GADL1: variants seen among roughly 807,000 people sequenced by gnomAD.
The protein encoded by GADL1 is acidic amino acid decarboxylase GADL1.
Under a neutral mutation model 69.5 loss-of-function variants are expected in GADL1, and 71 were observed. The ratio of observed to expected loss-of-function variants is 1.02; its 90% CI spans 0.84 to 1.25. GADL1 has a LOEUF of 1.25. Ranked by LOEUF, GADL1 falls within the 50% of genes most tolerant of loss-of-function variation. The probability of loss-of-function intolerance (pLI) is 0.00; values close to 1 mark genes in which losing one functional copy is unlikely to be tolerated. For synonymous variants in GADL1, 254 were observed against 214.4 expected, an observed-to-expected ratio of 1.18 and a Z score of -1.62; for missense variants, 737 against 631.8, an observed-to-expected ratio of 1.17 and a Z score of -1.79.
intron 14 of GADL1, among the ~76,000 whole-genome samples, chr3:30,753,499 A>G (rs879429631): frequency 2.2e-4 from 27 of 124,088 alleles, no homozygotes; most frequent in Non-Finnish European, 3.9e-4. Flanking sequence ...AATTTAAGGA[A>G]GGATAGTTTC....
At chr3:30,760,832 T>C (rs1005090680) in intron 14 of GADL1, among the ~76,000 whole-genome samples, 27 of 152,170 alleles carry the variant, frequency 1.8e-4, no homozygotes, top group African/African-American at 6.0e-4. Context: ...ATGGGCAGCC[T>C]GTGGAGCCTC....
intron 14 of GADL1, among the ~76,000 whole-genome samples, chr3:30,765,590 C>T (rs150765734): frequency 7.0e-4 from 106 of 152,278 alleles, no homozygotes; most frequent in African/African-American, 2.3e-3. Context: ...CTGAACAAGG[C>T]CCTGCCCTCA....
intron 14 of GADL1, among the ~76,000 whole-genome samples, chr3:30,767,531 T>C (rs1292280910): frequency 1.3e-5 from 2 of 152,170 alleles, no homozygotes; most frequent in Admixed American, 6.5e-5. Flanking sequence ...GATAATACTT[T>C]GAGGAAATGA....
rs577785725 is a variant in GADL1 at position 30,769,967 on chromosome 3, C to A, written c.1392+8212G>T. ...ATATTACACATTTCTAAATCACTTA[C>A]CAATATTGAAAACATTAAAAACAAA... On this transcript the variant is annotated intron_variant, in intron 14 of 14. Transcript: ENST00000282538. Among the ~76,000 whole-genome samples, 206 of 152,324 alleles carry A rather than the reference C, an allele frequency of 1.4e-3. 1 individual carries two copies. The highest frequency in any genetic ancestry group is 4.8e-3 in the African/African-American group (199 of 41,584).
At chr3:30,790,138 C>T (rs569666455) in intron 12 of GADL1, among the ~76,000 whole-genome samples, 3 of 152,130 alleles carry the variant, frequency 2.0e-5, no homozygotes, top group Non-Finnish European at 1.5e-5. Context: ...CTCTTCCTTT[C>T]ATTTGAACAC....
intron 11 of GADL1, among the ~76,000 whole-genome samples, chr3:30,819,176 G>T (rs1393358522): frequency 4.1e-5 from 6 of 148,120 alleles, no homozygotes; most frequent in Non-Finnish European, 8.8e-5. Context: ...TTACAGGGAG[G>T]TTCTATTCTT....
At chr3:30,775,918 C>T (rs1373972142) in intron 14 of GADL1, among the ~76,000 whole-genome samples, 2 of 151,992 alleles carry the variant, frequency 1.3e-5, no homozygotes, top group African/African-American at 2.4e-5. Context: ...AACCCCATCT[C>T]GACAAAAATA....
intron 4 of GADL1, 94 bp downstream of exon 4, chr3:30,854,605 G>T (rs747595211): frequency 2.4e-5 from 18 of 739,744 alleles, no homozygotes; most frequent in Non-Finnish European, 4.1e-5. Flanking sequence ...CTATGCAAAA[G>T]AAACCATTAA....
At chr3:30,834,305 GA>G in intron 9 of GADL1, 24 bp from the exon 10 acceptor site, 3 of 1,595,892 alleles carry the variant, frequency 1.9e-6, no homozygotes, top group Non-Finnish European at 2.6e-6. Context: ...TACAGTACCA[GA>G]ACAATGTTAT....
chr3:30,785,382 CTT>C (rs71093938), intron 13 of GADL1, among the ~76,000 whole-genome samples: 4 of 124,456 alleles, frequency 3.2e-5, no homozygotes, highest in Non-Finnish European at 4.6e-5. Flanking sequence ...ATTTCTTTTT[CTT>C]TTTTTTTTTT....
chr3:30,878,805 C>T (rs531648971), intron 1 of GADL1, among the ~76,000 whole-genome samples: 2 of 151,762 alleles, frequency 1.3e-5, no homozygotes, highest in Admixed American at 1.3e-4. Context: ...TTATTATGTT[C>T]TTTAATTAAT....
chr3:30,786,521 A>T (rs1180275709), intron 12 of GADL1, 115 bp from the exon 13 acceptor site: 8 of 665,382 alleles, frequency 1.2e-5, no homozygotes, highest in Non-Finnish European at 2.2e-5. Flanking sequence ...GATACAGATA[A>T]AGGTCAAGGA....
At chr3:30,745,741 T>A (rs1219451278) in intron 14 of GADL1, among the ~76,000 whole-genome samples, 1 of 118,880 alleles carries the variant, frequency 8.4e-6, no homozygotes, top group Non-Finnish European at 1.7e-5. Flanking sequence ...TGACAATTGT[T>A]GAGATACCTG....
intron 14 of GADL1, among the ~76,000 whole-genome samples, chr3:30,765,112 T>TA (rs973915475): frequency 4.8e-5 from 6 of 124,974 alleles, no homozygotes; most frequent in African/African-American, 1.2e-4. Flanking sequence ...CTGCTAGATT[T>TA]ACGCAAGACA....
intron 11 of GADL1, among the ~76,000 whole-genome samples, chr3:30,808,477 G>A (rs1017465388): frequency 1.4e-4 from 20 of 142,514 alleles, no homozygotes; most frequent in East Asian, 1.2e-3. Flanking sequence ...TGGCCTGGGC[G>A]ACAGAGCAGG....
chr3:30,894,209 T>C (rs983745525), intron 1 of GADL1, among the ~76,000 whole-genome samples: 1 of 152,204 alleles, frequency 6.6e-6, no homozygotes, highest in Non-Finnish European at 1.5e-5. Flanking sequence ...ACTGAGATGA[T>C]GCTGTCCTTG....
At chr3:30,834,826 A>C (rs908987103) in intron 9 of GADL1, among the ~76,000 whole-genome samples, 6 of 152,140 alleles carry the variant, frequency 3.9e-5, no homozygotes, top group African/African-American at 1.2e-4. Context: ...TTGGGACAAA[A>C]GGAAGTTATC....
chr3:30,743,913 G>T (rs1036330967), intron 14 of GADL1, among the ~76,000 whole-genome samples: 1 of 152,108 alleles, frequency 6.6e-6, no homozygotes, highest in Non-Finnish European at 1.5e-5. Context: ...TCCCTTTGGT[G>T]CAAGAATAGC....
intron 14 of GADL1, among the ~76,000 whole-genome samples, chr3:30,738,820 C>G (rs1055597625): frequency 6.6e-6 from 1 of 152,180 alleles, no homozygotes; most frequent in Admixed American, 6.5e-5. Flanking sequence ...TACCCACACA[C>G]TTAGTGAGAT....
Sources: gnomAD v4.1 joint callset for allele counts (sites outside exome capture counted in the v4.1 genomes callset) on GRCh38, gnomAD v4.1.1 for gene constraint, MANE v1.5 for transcripts, NCBI Gene and HGNC (gene_info 2026-07-23, HGNC 2026-07-21) for gene names.